Variants in ERN1 observed in about 807,000 individuals in gnomAD.
ERN1 encodes the protein endoplasmic reticulum to nucleus signaling 1, also known as serine/threonine-protein kinase/endoribonuclease IRE1.
ERN1 carries 39 observed loss-of-function variants against 113.1 expected under a neutral mutation model. The observed-to-expected ratio is 0.34, with a 90% CI of 0.27 to 0.45. ERN1 has a LOEUF of 0.45. Ranked by LOEUF, ERN1 falls within the 20% of genes least tolerant of loss-of-function variation. The probability of loss-of-function intolerance (pLI) is 1.00; values close to 1 mark genes in which losing one functional copy is unlikely to be tolerated. For synonymous variants in ERN1, 507 were observed against 515.9 expected, an observed-to-expected ratio of 0.98 and a Z score of 0.23; for missense variants, 976 against 1,274.8, an observed-to-expected ratio of 0.77 and a Z score of 3.57.
At chr17:64,111,913 A>G (rs1319553284) in intron 1 of ERN1, among the ~76,000 whole-genome samples, 1 of 152,224 alleles carries the variant, frequency 6.6e-6, no homozygotes. Context: ...GAAGTAAACC[A>G]AACTCAAAAA....
chr17:64,085,207 T>C (rs1039779003), intron 2 of ERN1, among the ~76,000 whole-genome samples: 15 of 152,220 alleles, frequency 9.9e-5, no homozygotes, highest in African/African-American at 3.6e-4. Flanking sequence ...AAGGAATACC[T>C]GAGGCTGGGT....
In ERN1 at chr17:64,115,818, A is replaced by G. The variant is rs976094110; in HGVS notation, c.54+14158T>C. ...ATTTTTCCAGGCATGGGTTTCCAAG[A>G]AAGTAAGAAGCCTGAGGTGGATGGT... On this transcript the variant is annotated intron_variant, in intron 1 of 21. Coordinates refer to ENST00000433197, the MANE Select transcript of ERN1 (RefSeq NM_001433.5). Among the ~76,000 whole-genome samples the G allele has an allele frequency of 9.2e-5, 14 of 152,140 alleles. 1 individual carries two copies. Among genetic ancestry groups the G allele is most frequent in the Admixed American group, 7.9e-4 (12 of 15,262 alleles).
At chr17:64,046,229 C>A (rs1474746758) in intron 19 of ERN1, among the ~76,000 whole-genome samples, 1 of 152,210 alleles carries the variant, frequency 6.6e-6, no homozygotes, top group Non-Finnish European at 1.5e-5. Context: ...ACTGGCTGAA[C>A]TCCTAATTTA....
chr17:64,048,274 T>C (rs893228856), intron 18 of ERN1, among the ~76,000 whole-genome samples: 1 of 152,142 alleles, frequency 6.6e-6, no homozygotes, highest in African/African-American at 2.4e-5. Flanking sequence ...TGTGACTAAA[T>C]ATGGATTGAC....
chr17:64,075,349 AG>A, intron 4 of ERN1, 102 bp from the exon 5 acceptor site: 1 of 1,005,498 alleles, frequency 9.9e-7, no homozygotes, highest in Non-Finnish European at 1.4e-6. Flanking sequence ...TCTGCTAAAA[AG>A]AGAGAAGCAC....
intron 1 of ERN1, among the ~76,000 whole-genome samples, chr17:64,110,461 T>C (rs1914642596): frequency 6.6e-6 from 1 of 152,232 alleles, no homozygotes; most frequent in Non-Finnish European, 1.5e-5. Flanking sequence ...AGCCCAGTTC[T>C]AATGGTTTTA....
chr17:64,047,897 C>T lies in ERN1; in HGVS notation c.2490G>A (p.Pro830=), dbSNP rs542389720. The change falls in exon 19 of 22, where the codon CCG becomes CCA. Residue 830 remains proline (P), a synonymous_variant. Coordinates refer to ENST00000433197, the MANE Select transcript of ERN1 (RefSeq NM_001433.5). Reference sequence around the variant, plus strand: ...GCTGCTTCTCTAGGCTCCAGAAGAACGGGTGTTTGAGCACATGCTTCGCTG... The same window carrying T: ...GCTGCTTCTCTAGGCTCCAGAAGAATGGGTGTTTGAGCACATGCTTCGCTG... ...RPSAKHVLKH[P]FFWSLEKQLQ... The T allele has an allele frequency of 4.5e-5, 73 of 1,613,204 alleles. No homozygotes were observed. Among genetic ancestry groups the T allele is most frequent in the Middle Eastern group, 1.7e-4 (1 of 6,060 alleles).
At chr17:64,125,171 G>T (rs961462222) in intron 1 of ERN1, among the ~76,000 whole-genome samples, 20 of 152,076 alleles carry the variant, frequency 1.3e-4, no homozygotes, top group African/African-American at 4.3e-4. Flanking sequence ...CTTCATAGAG[G>T]TAATGTTTGG....
chr17:64,055,211 G>A (rs777962804), intron 13 of ERN1, among the ~76,000 whole-genome samples: 24 of 152,218 alleles, frequency 1.6e-4, no homozygotes, highest in Non-Finnish European at 3.1e-4. Context: ...TTCAGGTGGC[G>A]GCAATGGACA....
intron 1 of ERN1, among the ~76,000 whole-genome samples, chr17:64,111,415 G>A (rs1276063740): frequency 6.6e-6 from 1 of 151,844 alleles, no homozygotes; most frequent in African/African-American, 2.4e-5. Context: ...GAGTGCAATG[G>A]CGCAATCTCG....
chr17:64,097,543 C>T (rs1340236675), intron 2 of ERN1, among the ~76,000 whole-genome samples: 1 of 152,140 alleles, frequency 6.6e-6, no homozygotes, highest in Non-Finnish European at 1.5e-5. Flanking sequence ...TACAATTTCC[C>T]AGCTGTAGGG....
chr17:64,068,045 T>C (rs1913289898), intron 7 of ERN1, 145 bp downstream of exon 7: 2 of 617,600 alleles, frequency 3.2e-6, no homozygotes, highest in Non-Finnish European at 2.9e-6. Flanking sequence ...GAAGTATTTA[T>C]GATAAGCCCA....
rs983642369 is a variant in ERN1, at chr17:64,126,922, T to TA, written c.54+3053dup. ...AAGAAATCTGATATCTTATAGCTTT[T>TA]AAAAAAAAAGGTACTTTGCCTCACA... On this transcript the variant is annotated intron_variant, in intron 1 of 21. Coordinates refer to ENST00000433197, the MANE Select transcript of ERN1 (RefSeq NM_001433.5). 4.0e-3 allele frequency among the ~76,000 whole-genome samples: 610 copies of TA among 151,460 alleles called. 4 individuals carry two copies. Among genetic ancestry groups the TA allele is most frequent in the African/African-American group, 0.014 (568 of 41,306 alleles).
chr17:64,044,737 G>A lies in ERN1; in HGVS notation c.2721+123C>T, dbSNP rs78327432. ...CAGTTTGCCAAGTCCAGCTGAAGCC[G>A]CCTAGCTCCTGAGAGATGAGAATGC... On this transcript the variant is annotated intron_variant, in intron 21 of 21. Coordinates refer to ENST00000433197, the MANE Select transcript of ERN1 (RefSeq NM_001433.5). The surrounding 1 kb of genome is among the most constrained non-coding windows in gnomAD (Gnocchi z 4.1). 1.5e-3 allele frequency: 1,042 copies of A among 703,648 alleles called. 10 individuals carry two copies. In the African/African-American group the frequency reaches 0.016, roughly 11 times the overall value. 43.6% of individuals were successfully genotyped at this position (703,648 alleles called of 1,614,324 possible).
chr17:64,094,271 A>C (rs1002274021), intron 2 of ERN1, among the ~76,000 whole-genome samples: 8 of 152,186 alleles, frequency 5.3e-5, no homozygotes, highest in Admixed American at 4.6e-4. Context: ...GTGGTAAACT[A>C]TCCTGCACTT....
Position 64,053,966 on chromosome 17 carries a change from G to T in ERN1, c.1953+284C>A, listed in dbSNP as rs543195461. On this transcript the variant is annotated intron_variant, in intron 15 of 21. Coordinates refer to ENST00000433197, the MANE Select transcript of ERN1 (RefSeq NM_001433.5). Reference sequence around the variant, plus strand: ...TGTAACTTTTTTTTAATTTGACGGGGTCTCACTCTGTTGTCCAGGCTGGAG... The same window carrying T: ...TGTAACTTTTTTTTAATTTGACGGGTTCTCACTCTGTTGTCCAGGCTGGAG... The T allele has an allele frequency of 6.1e-5, 20 of 330,394 alleles. No homozygotes were observed. The South Asian group carries it at 9.3e-4, about 15-fold the overall frequency. 20.5% of individuals were successfully genotyped at this position (330,394 alleles called of 1,614,324 possible). A position where few individuals can be genotyped will look rare whatever the true frequency, so the allele number is the denominator to read the frequency against.
chr17:64,045,271 GC>G (rs1435826733), intron 20 of ERN1, 87 bp downstream of exon 20: 1 of 1,515,866 alleles, frequency 6.6e-7, no homozygotes, highest in Non-Finnish European at 9.1e-7. Flanking sequence ...GGCCTGAACA[GC>G]CTGGAGCGGC....
chr17:64,103,458 C>T (rs1914440241), intron 1 of ERN1, among the ~76,000 whole-genome samples: 1 of 149,090 alleles, frequency 6.7e-6, no homozygotes, highest in Non-Finnish European at 1.5e-5. Context: ...GATCACGCCA[C>T]TGCACTCCAG....
rs777556845 is a variant in ERN1, at chr17:64,052,858, G to A, written c.2175C>T (p.Phe725=). 13 of 1,613,936 alleles carry A rather than the reference G, an allele frequency of 8.1e-6. No homozygotes were observed. Among genetic ancestry groups the A allele is most frequent in the Non-Finnish European group, 1.1e-5 (13 of 1,179,904 alleles). The change falls in exon 17 of 22, where the codon TTC becomes TTT. Residue 725 remains phenylalanine (F), a synonymous_variant. Transcript: ENST00000433197. ...CKKLAVGRHS[F]SRRSGVPGTE... ...TGCCAGGCACCCCAGATCGGCGGCT[G>A]AAACTGTGTCTGCCCACTGCCAGCT...
Sources: allele counts gnomAD v4.1 joint callset (sites outside exome capture counted in the v4.1 genomes callset), GRCh38; gene constraint gnomAD v4.1.1; non-coding constraint Gnocchi (gnomAD v3.1); transcripts MANE v1.5; gene names NCBI Gene and HGNC (gene_info 2026-07-23, HGNC 2026-07-21).